Variants in TTR observed in about 807,000 individuals in gnomAD.
TTR encodes transthyretin.
A neutral mutation model predicts 13.7 loss-of-function variants in TTR; 8 were observed. The observed-to-expected ratio is 0.58, with a 90% CI of 0.34 to 1.05. The LOEUF (loss-of-function observed/expected upper bound fraction) is 1.05. TTR is among the 50% of genes least tolerant of loss of function. The pLI, the probability that TTR is intolerant of heterozygous loss-of-function variation, is 0.02. For missense variants in TTR, 135 were observed against 185.5 expected, an observed-to-expected ratio of 0.73 and a Z score of 1.58; for synonymous variants, 75 against 71.7, an observed-to-expected ratio of 1.05 and a Z score of -0.23.
Position 31,592,991 on chromosome 18 carries a change from G to T in TTR, c.165G>T (p.Lys55Asn), listed in dbSNP as rs1567945684. Residue 55 changes from lysine (K) to asparagine (N), a missense_variant, in exon 2 of 4, where the codon AAG (lysine) becomes AAT (asparagine). By Grantham distance (94) the Lys-to-Asn change is moderately conservative. Transcript: ENST00000237014. ...ATGTGGCCGTGCATGTGTTCAGAAA[G>T]GCTGCTGATGACACCTGGGAGCCAT... is the stretch of plus-strand genomic sequence containing the variant. ...AINVAVHVFR[K>N]AADDTWEPFA... 1 of 1,614,070 alleles carries T rather than the reference G, an allele frequency of 6.2e-7. No homozygotes were observed. Among genetic ancestry groups the T allele is most frequent in the Non-Finnish European group, 8.5e-7 (1 of 1,179,972 alleles).
At position 31,595,215 on chromosome 18, in the gene TTR, G is replaced by C. The variant is rs730881171; in HGVS notation, c.296G>C (p.Trp99Ser). 1 of 1,614,174 alleles carries C rather than the reference G, an allele frequency of 6.2e-7. No individual in the cohort carries two copies. Among genetic ancestry groups the C allele is most frequent in the Non-Finnish European group, 8.5e-7 (1 of 1,180,024 alleles). ...YKVEIDTKSY[W>S]KALGISPFHE... ...GTGGAAATAGACACCAAATCTTACT[G>C]GAAGGCACTTGGCATCTCCCCATTC... Residue 99 changes from tryptophan to serine, a missense_variant, in exon 3 of 4, where the codon TGG becomes TCG. Transcript: ENST00000237014.
rs1431246409 is a variant in TTR, at chr18:31,593,365, C to T, written c.200+339C>T. 1.3e-5 allele frequency: 4 copies of T among 317,978 alleles called. No homozygotes were observed. In the Admixed American group the frequency reaches 1.7e-4, roughly 14 times the overall value. The allele number at this position is 317,978 out of a possible 1,614,324, so 19.7% of individuals were successfully genotyped here. A position where few individuals can be genotyped will look rare whatever the true frequency, so the allele number is the denominator to read the frequency against. ...TATGCCCAGAAAAAATGCACAGATACACACACATACAAAATCATATATGTG... is the reference window on the plus strand; with the variant it reads ...TATGCCCAGAAAAAATGCACAGATATACACACATACAAAATCATATATGTG... On this transcript the variant is annotated intron_variant, in intron 2 of 3. Coordinates refer to ENST00000237014, the MANE Select transcript of TTR (RefSeq NM_000371.4).
chr18:31,596,004 C>A lies in TTR; in HGVS notation c.336+749C>A, dbSNP rs139364337. ...ATGCCTCGCATTATGCCCCAGGAAA[C>A]TTTTTCCCTTGTGAAAGCCAAGCTT... is the stretch of plus-strand genomic sequence containing the variant. On this transcript the variant is annotated intron_variant, in intron 3 of 3. Transcript: ENST00000237014. 376 of 156,792 alleles carry A rather than the reference C, an allele frequency of 2.4e-3. 1 individual carries two copies. Among genetic ancestry groups the A allele is most frequent in the African/African-American group, 8.5e-3 (352 of 41,624 alleles). 9.7% of individuals were successfully genotyped at this position (156,792 alleles called of 1,614,324 possible).
intron 2 of TTR, among the ~76,000 whole-genome samples, chr18:31,594,329 T>C (rs2073504588): frequency 6.6e-6 from 1 of 152,194 alleles, no homozygotes; most frequent in Non-Finnish European, 1.5e-5. Flanking sequence ...CAAAGAGTTA[T>C]CAGAGAGGTT....
At chr18:31,592,002 A>G in intron 1 of TTR, 31 bp downstream of exon 1, 2 of 1,612,228 alleles carry the variant, frequency 1.2e-6, no homozygotes, top group Non-Finnish European at 1.7e-6. Context: ...CCATTCCTAC[A>G]TTTAAGATTC....
At chr18:31,596,482 G>C (rs1294216354) in intron 3 of TTR, among the ~76,000 whole-genome samples, 1 of 152,120 alleles carries the variant, frequency 6.6e-6, no homozygotes, top group African/African-American at 2.4e-5. Context: ...ATTGCCCCTA[G>C]AGTCTCAGCC....
chr18:31,598,265 A>G (rs2073526495), intron 3 of TTR, among the ~76,000 whole-genome samples: 1 of 152,134 alleles, frequency 6.6e-6, no homozygotes. Context: ...TAAAACCAAT[A>G]AAATAGATAC....
intron 3 of TTR, chr18:31,598,233 C>T: frequency 2.6e-6 from 1 of 391,652 alleles, no homozygotes; most frequent in South Asian, 2.2e-5. Flanking sequence ...TGCAGTTTTG[C>T]ATTCTCCCTA....
Position 31,597,814 on chromosome 18 carries a change from A to G in TTR, c.337-754A>G, listed in dbSNP as rs548067388. ...ACTGATTTGACAGAACTGTGTGACT[A>G]TCTGGAACAGCATTTTGATCCACAA... On this transcript the variant is annotated intron_variant, in intron 3 of 3. Transcript: ENST00000237014. 2.0e-5 allele frequency among the ~76,000 whole-genome samples: 3 copies of G among 152,330 alleles called. No homozygotes were observed. In the South Asian group the frequency reaches 6.2e-4, roughly 32 times the overall value.
At chr18:31,595,361 G>A in intron 3 of TTR, 106 bp downstream of exon 3, 15 of 1,472,816 alleles carry the variant, frequency 1.0e-5, no homozygotes, top group East Asian at 2.3e-5. Context: ...TCCTAAGGAA[G>A]GTGATGAATG....
In TTR at chr18:31,592,928, C is replaced by A; in HGVS notation, c.102C>A (p.Val34=). ...GTGESKCPLM[V]KVLDAVRGSP... is the part of the protein sequence containing the mutation. ...GTGAATCCAAGTGTCCTCTGATGGT[C>A]AAAGTTCTAGATGCTGTCCGAGGCA... Residue 34 remains valine, a synonymous_variant, in exon 2 of 4, where the codon GTC becomes GTA. Coordinates refer to ENST00000237014, the MANE Select transcript of TTR (RefSeq NM_000371.4). The A allele has an allele frequency of 6.2e-7, 1 of 1,614,060 alleles. No individual in the cohort carries two copies. Among genetic ancestry groups the A allele is most frequent in the South Asian group, 1.1e-5 (1 of 91,036 alleles).
At chr18:31,595,320 G>T in intron 3 of TTR, 65 bp downstream of exon 3, 2 of 1,603,878 alleles carry the variant, frequency 1.2e-6, no homozygotes, top group South Asian at 2.2e-5. Context: ...TCCAGGAAAT[G>T]CACAGTTTTA....
At chr18:31,598,521 G>GTT in intron 3 of TTR, 47 bp from the exon 4 acceptor site, 7 of 1,602,018 alleles carry the variant, frequency 4.4e-6, no homozygotes, top group Non-Finnish European at 6.0e-6. Flanking sequence ...CATCTGTCAC[G>GTT]TTTTTCGGGC....
intron 2 of TTR, among the ~76,000 whole-genome samples, chr18:31,594,674 G>A (rs2073506742): frequency 6.6e-6 from 1 of 152,042 alleles, no homozygotes; most frequent in Admixed American, 6.6e-5. Context: ...GACCAGCCTG[G>A]CCAACATGGC....
chr18:31,596,418 A>T (rs1367365220), intron 3 of TTR, among the ~76,000 whole-genome samples: 1 of 152,092 alleles, frequency 6.6e-6, no homozygotes, highest in African/African-American at 2.4e-5. Context: ...CAGCAGCAAG[A>T]CATGGACCCC....
At chr18:31,595,375 A>G (rs1035991519) in intron 3 of TTR, 120 bp downstream of exon 3, 1 of 1,382,290 alleles carries the variant, frequency 7.2e-7, no homozygotes, top group African/African-American at 1.4e-5. Context: ...ATGAATGACC[A>G]AAGGTTCCCT....
At chr18:31,596,537 C>T (rs1288938593) in intron 3 of TTR, among the ~76,000 whole-genome samples, 1 of 152,140 alleles carries the variant, frequency 6.6e-6, no homozygotes, top group South Asian at 2.1e-4. Flanking sequence ...CTGTTGTTTG[C>T]CCAAGAGCTG....
chr18:31,593,655 G>A (rs2144407582), intron 2 of TTR: 1 of 152,706 alleles, frequency 6.5e-6, no homozygotes, highest in Admixed American at 6.5e-5. Context: ...AAAGATAGAA[G>A]AGATGGATCC....
intron 3 of TTR, chr18:31,597,380 C>G (rs974514182): frequency 2.6e-5 from 4 of 152,170 alleles, no homozygotes; most frequent in Non-Finnish European, 5.9e-5. Flanking sequence ...ATGCCTCTTA[C>G]AATTTTTAAG....
Sources: gnomAD v4.1 joint callset for allele counts (sites outside exome capture counted in the v4.1 genomes callset) on GRCh38, gnomAD v4.1.1 for gene constraint, MANE v1.5 for transcripts, NCBI Gene and HGNC (gene_info 2026-07-23, HGNC 2026-07-21) for gene names.